CUL5: variants seen among roughly 807,000 people sequenced by gnomAD.
CUL5 encodes the protein cullin 5, also known as cullin-5.
Under a neutral mutation model 108.8 loss-of-function variants are expected in CUL5, and 26 were observed. That is an observed-to-expected ratio of 0.24 (90% CI 0.18 to 0.33). The LOEUF (loss-of-function observed/expected upper bound fraction) is 0.33. CUL5 is among the 10% of genes least tolerant of loss of function. CUL5 has a pLI of 1.00. For synonymous variants in CUL5, 334 were observed against 298.0 expected, an observed-to-expected ratio of 1.12 and a Z score of -1.25; for missense variants, 524 against 909.2, an observed-to-expected ratio of 0.58 and a Z score of 5.45.
intron 1 of CUL5, among the ~76,000 whole-genome samples, chr11:108,025,710 A>C (rs1565234587): frequency 6.6e-6 from 1 of 151,916 alleles, no homozygotes; most frequent in Non-Finnish European, 1.5e-5. Flanking sequence ...CAGTTTTCTC[A>C]CACCCAGGTA....
chr11:108,025,761 T>G (rs1391164781), intron 1 of CUL5, among the ~76,000 whole-genome samples: 2 of 152,154 alleles, frequency 1.3e-5, no homozygotes, highest in Non-Finnish European at 2.9e-5. Flanking sequence ...ACCTTCTGTA[T>G]AGATACCCAG....
intron 1 of CUL5, among the ~76,000 whole-genome samples, chr11:108,021,025 C>T (rs1476406020): frequency 6.6e-6 from 1 of 152,174 alleles, no homozygotes; most frequent in African/African-American, 2.4e-5. Flanking sequence ...ATTCTTACCA[C>T]TTTGTCCTAA....
At chr11:108,073,364 CTT>C (rs1565258718) in intron 9 of CUL5, 24 bp from the exon 10 acceptor site, 1 of 1,104,552 alleles carries the variant, frequency 9.1e-7, no homozygotes, top group South Asian at 1.4e-5. Context: ...CTTTTAAAAA[CTT>C]AATGTAAAAC....
chr11:108,050,856 G>A (rs1338332286), intron 4 of CUL5, among the ~76,000 whole-genome samples: 1 of 152,086 alleles, frequency 6.6e-6, no homozygotes, highest in East Asian at 1.9e-4. Context: ...ATTGTGTCAA[G>A]TAACCAGTCA....
At chr11:108,037,461 G>GT (rs1862775434) in intron 2 of CUL5, among the ~76,000 whole-genome samples, 1 of 152,316 alleles carries the variant, frequency 6.6e-6, no homozygotes, top group East Asian at 1.9e-4. Context: ...TTACCATGTA[G>GT]TTGTATTCAT....
In CUL5 at chr11:108,089,281, C is replaced by A. The variant is rs138788933; in HGVS notation, c.1312-211C>A. On this transcript the variant is annotated intron_variant, in intron 12 of 18. Coordinates refer to ENST00000393094, the MANE Select transcript of CUL5 (RefSeq NM_003478.6). ...TCTAAAAAACTGATATTTAGACCGA[C>A]TAACAATTTGGTTATAGTCTCAGTT... Among the ~76,000 whole-genome samples the A allele has an allele frequency of 3.5e-3, 538 of 152,210 alleles. 1 individual carries two copies. Among genetic ancestry groups the A allele is most frequent in the African/African-American group, 0.012 (511 of 41,534 alleles).
chr11:108,078,504 A>C (rs759961340), intron 11 of CUL5, among the ~76,000 whole-genome samples: 6 of 152,164 alleles, frequency 3.9e-5, no homozygotes, highest in Non-Finnish European at 8.8e-5. Context: ...TTAGTCACTA[A>C]AAGTATTCTA....
At chr11:108,065,599 T>C (rs929590756) in intron 7 of CUL5, among the ~76,000 whole-genome samples, 1 of 152,182 alleles carries the variant, frequency 6.6e-6, no homozygotes, top group Non-Finnish European at 1.5e-5. Context: ...TTCAATGCAG[T>C]ATCTCACAGT....
At chr11:108,027,051 A>G (rs1201310804) in intron 1 of CUL5, among the ~76,000 whole-genome samples, 1 of 151,240 alleles carries the variant, frequency 6.6e-6, no homozygotes, top group African/African-American at 2.4e-5. Context: ...TTACCATGCC[A>G]TTTCTTTACT....
At chr11:108,049,421 A>G (rs950475541) in intron 3 of CUL5, among the ~76,000 whole-genome samples, 3 of 151,888 alleles carry the variant, frequency 2.0e-5, no homozygotes, top group Non-Finnish European at 2.9e-5. Context: ...GGCTCACTGT[A>G]GCCTCAACTG....
At chr11:108,082,226 T>G (rs1864105209) in intron 11 of CUL5, among the ~76,000 whole-genome samples, 1 of 151,908 alleles carries the variant, frequency 6.6e-6, no homozygotes, top group Non-Finnish European at 1.5e-5. Flanking sequence ...TTCCTTTCTT[T>G]TCCTTCCCCT....
chr11:108,053,230 C>A (rs1375508159), intron 5 of CUL5, among the ~76,000 whole-genome samples: 1 of 152,212 alleles, frequency 6.6e-6, no homozygotes, highest in Non-Finnish European at 1.5e-5. Flanking sequence ...GCTTCATCCT[C>A]CTCCTGGAGG....
At chr11:108,047,277 A>G (rs1297327360) in intron 3 of CUL5, among the ~76,000 whole-genome samples, 2 of 152,126 alleles carry the variant, frequency 1.3e-5, no homozygotes, top group African/African-American at 2.4e-5. Flanking sequence ...TGATCATGCC[A>G]TTGCACTCAG....
intron 1 of CUL5, among the ~76,000 whole-genome samples, chr11:108,023,635 A>C (rs758303121): frequency 6.6e-6 from 1 of 152,184 alleles, no homozygotes; most frequent in Non-Finnish European, 1.5e-5. Flanking sequence ...TTGCTTGAGG[A>C]CTTTTCATTT....
intron 7 of CUL5, among the ~76,000 whole-genome samples, chr11:108,059,658 C>T (rs1211217946): frequency 6.6e-6 from 1 of 151,976 alleles, no homozygotes; most frequent in East Asian, 1.9e-4. Context: ...ATGGGTGGAT[C>T]ATGAGGTCAG....
chr11:108,101,173 T>C (rs79121464), intron 18 of CUL5, among the ~76,000 whole-genome samples: 1,590 of 152,372 alleles, frequency 0.01, 20 homozygotes, highest in Non-Finnish European at 0.014. Context: ...GCTCAGACTT[T>C]ATTTCCTCCT....
At chr11:108,058,748 C>T (rs1161521184) in intron 7 of CUL5, among the ~76,000 whole-genome samples, 1 of 152,028 alleles carries the variant, frequency 6.6e-6, no homozygotes, top group East Asian at 1.9e-4. Context: ...CATTAGATGT[C>T]TGAAGCCCTA....
chr11:108,101,567 A>G (rs1864668450), intron 18 of CUL5, among the ~76,000 whole-genome samples: 1 of 152,256 alleles, frequency 6.6e-6, no homozygotes, highest in African/African-American at 2.4e-5. Context: ...TGTTCTCTGC[A>G]GAATAATGAC....
intron 10 of CUL5, among the ~76,000 whole-genome samples, chr11:108,075,343 A>T (rs913866713): frequency 1.3e-5 from 2 of 152,168 alleles, no homozygotes; most frequent in Non-Finnish European, 2.9e-5. Flanking sequence ...TCACCTATCA[A>T]GTGTTGAGTT....
Sources: gnomAD v4.1 joint callset for allele counts (sites outside exome capture counted in the v4.1 genomes callset) on GRCh38, gnomAD v4.1.1 for gene constraint, MANE v1.5 for transcripts, NCBI Gene and HGNC (gene_info 2026-07-23, HGNC 2026-07-21) for gene names.